Variants in KCNAB1 observed in about 807,000 individuals in gnomAD.
KCNAB1 encodes the protein voltage-gated potassium channel subunit beta-1.
Under a neutral mutation model 64.6 loss-of-function variants are expected in KCNAB1, and 35 were observed. The ratio of observed to expected loss-of-function variants is 0.54; its 90% CI spans 0.41 to 0.72. The LOEUF (loss-of-function observed/expected upper bound fraction) is 0.72. Ranked by LOEUF, KCNAB1 falls within the 30% of genes least tolerant of loss-of-function variation. The pLI is 0.00. For synonymous variants in KCNAB1, 177 were observed against 183.8 expected, an observed-to-expected ratio of 0.96 and a Z score of 0.30; for missense variants, 401 against 512.9, an observed-to-expected ratio of 0.78 and a Z score of 2.11.
intron 1 of KCNAB1, among the ~76,000 whole-genome samples, chr3:156,164,071 G>C (rs1294108131): frequency 6.6e-6 from 1 of 152,132 alleles, no homozygotes; most frequent in African/African-American, 2.4e-5. Flanking sequence ...TAACCCACTG[G>C]CGACAGGGAG....
At chr3:156,514,949 G>A (rs1033519966) in intron 9 of KCNAB1, 151 bp from the exon 10 acceptor site, 164 of 619,468 alleles carry the variant, frequency 2.6e-4, no homozygotes, top group Middle Eastern at 1.6e-3. Context: ...TAGTGAAATC[G>A]GTGGTGACAA....
intron 1 of KCNAB1, among the ~76,000 whole-genome samples, chr3:156,174,643 A>G (rs2108332121): frequency 6.6e-6 from 1 of 152,168 alleles, no homozygotes; most frequent in Non-Finnish European, 1.5e-5. Context: ...TCTTTTCTTT[A>G]AAGCTGGTTA....
At chr3:156,497,216 A>G (rs1394925125) in intron 8 of KCNAB1, among the ~76,000 whole-genome samples, 2 of 152,222 alleles carry the variant, frequency 1.3e-5, no homozygotes, top group African/African-American at 2.4e-5. Context: ...CAGTGAGCTG[A>G]GCTGCATGAG....
chr3:156,387,057 T>G (rs1032770209), intron 1 of KCNAB1, among the ~76,000 whole-genome samples: 1 of 147,346 alleles, frequency 6.8e-6, no homozygotes, highest in Non-Finnish European at 1.5e-5. Context: ...CTCTACAATC[T>G]CTGTAGACTT....
chr3:156,230,087 A>G (rs999142634), intron 1 of KCNAB1, among the ~76,000 whole-genome samples: 11 of 152,338 alleles, frequency 7.2e-5, no homozygotes, highest in Middle Eastern at 3.4e-3. Flanking sequence ...AGGCAAAACA[A>G]TACTTAGAAT....
rs1016184020 is a variant in KCNAB1, at chr3:156,245,181, T to C, written c.275+124295T>C. On this transcript the variant is annotated intron_variant, in intron 1 of 13. Transcript: ENST00000490337. The stretch of plus-strand genomic sequence containing the variant: ...AACTGTCCTTCCTGCCATCTTAGAA[T>C]TTACCTTCTAGAGTTAGCTAGGAGA... Among the ~76,000 whole-genome samples, 9 of 152,322 alleles carry C rather than the reference T, an allele frequency of 5.9e-5. 2 individuals carry two copies. The Middle Eastern group carries it at 0.024, about 403-fold the overall frequency.
intron 1 of KCNAB1, among the ~76,000 whole-genome samples, chr3:156,184,169 A>G (rs1713044450): frequency 6.6e-6 from 1 of 152,210 alleles, no homozygotes; most frequent in Admixed American, 6.5e-5. Context: ...AGACAGTCCA[A>G]AGCTTATACA....
Position 156,335,035 on chromosome 3 carries a change from G to A in KCNAB1, c.276-86581G>A, listed in dbSNP as rs149413747. ...TAAATTGGTCTTCCAGAAACAAATCGGATCACAATGCTTTCCTGCTTAAAG... is the reference window on the plus strand; with the variant it reads ...TAAATTGGTCTTCCAGAAACAAATCAGATCACAATGCTTTCCTGCTTAAAG... On this transcript the variant is annotated intron_variant, in intron 1 of 13. Coordinates refer to ENST00000490337, the MANE Select transcript of KCNAB1 (RefSeq NM_172160.3). Among the ~76,000 whole-genome samples the A allele has an allele frequency of 2.4e-3, 362 of 152,206 alleles. 4 individuals carry two copies. Among genetic ancestry groups the A allele is most frequent in the African/African-American group, 8.3e-3 (345 of 41,540 alleles).
upstream of KCNAB1, chr3:156,118,317 C>T: frequency 4.4e-6 from 2 of 455,832 alleles, no homozygotes; most frequent in Non-Finnish European, 8.8e-6. Flanking sequence ...CTGCATGTGG[C>T]TGTCCAGCAA....
At chr3:156,416,584 A>G (rs1715095481) in intron 1 of KCNAB1, among the ~76,000 whole-genome samples, 1 of 152,144 alleles carries the variant, frequency 6.6e-6, no homozygotes, top group Non-Finnish European at 1.5e-5. Flanking sequence ...AGGGCCTACT[A>G]TCCTTTTATT....
chr3:156,205,597 C>G (rs78337289), intron 1 of KCNAB1, among the ~76,000 whole-genome samples: 2 of 152,142 alleles, frequency 1.3e-5, no homozygotes, highest in African/African-American at 4.8e-5. Flanking sequence ...CAGGTCCGAT[C>G]GATCATCAAG....
At chr3:156,215,939 T>G (rs1054573655) in intron 1 of KCNAB1, among the ~76,000 whole-genome samples, 3 of 152,196 alleles carry the variant, frequency 2.0e-5, no homozygotes, top group Non-Finnish European at 4.4e-5. Context: ...TTAGATTGAT[T>G]TTTATGAAAT....
At chr3:156,395,316 C>T (rs1448146043) in intron 1 of KCNAB1, among the ~76,000 whole-genome samples, 1 of 148,408 alleles carries the variant, frequency 6.7e-6, no homozygotes, top group Non-Finnish European at 1.5e-5. Flanking sequence ...GAGGCCGAGG[C>T]GGGCGGATCA....
chr3:156,384,697 C>T (rs555183186), intron 1 of KCNAB1, among the ~76,000 whole-genome samples: 2 of 152,296 alleles, frequency 1.3e-5, no homozygotes, highest in East Asian at 1.9e-4. Flanking sequence ...GGATAGGCTT[C>T]TTGTTTCATA....
intron 1 of KCNAB1, among the ~76,000 whole-genome samples, chr3:156,178,321 G>A (rs568096638): frequency 7.2e-5 from 11 of 152,298 alleles, no homozygotes; most frequent in Non-Finnish European, 1.5e-4. Flanking sequence ...ATCAGGCAAG[G>A]AGACCTCTAC....
chr3:156,341,560 G>T (rs2108066347), intron 1 of KCNAB1, among the ~76,000 whole-genome samples: 1 of 152,294 alleles, frequency 6.6e-6, no homozygotes, highest in African/African-American at 2.4e-5. Context: ...GTTAGGATGA[G>T]ATCATGCCTT....
intron 2 of KCNAB1, among the ~76,000 whole-genome samples, chr3:156,425,740 T>C (rs1715770388): frequency 6.6e-6 from 1 of 152,184 alleles, no homozygotes; most frequent in African/African-American, 2.4e-5. Context: ...TGCCCTCAAA[T>C]TTATCATAGT....
chr3:156,316,508 T>C (rs147768251), intron 1 of KCNAB1, among the ~76,000 whole-genome samples: 29 of 152,386 alleles, frequency 1.9e-4, no homozygotes, highest in African/African-American at 6.7e-4. Flanking sequence ...CTGATTGTAC[T>C]GTACTTTTCA....
chr3:156,247,459 T>G (rs2108458567), intron 1 of KCNAB1, among the ~76,000 whole-genome samples: 1 of 152,316 alleles, frequency 6.6e-6, no homozygotes, highest in Non-Finnish European at 1.5e-5. Flanking sequence ...ATTTTTCTCT[T>G]ATATTCTTGT....
Sources: gnomAD v4.1 joint callset for allele counts (sites outside exome capture counted in the v4.1 genomes callset) on GRCh38, gnomAD v4.1.1 for gene constraint, MANE v1.5 for transcripts, NCBI Gene and HGNC (gene_info 2026-07-23, HGNC 2026-07-21) for gene names.